The following RYR2 variants were observed in gnomAD, a reference collection of about 807,000 sequenced individuals.
RYR2 encodes cardiac muscle ryanodine receptor-calcium release channel.
RYR2 carries 227 observed loss-of-function variants against 601.1 expected under a neutral mutation model. That is an observed-to-expected ratio of 0.38 (90% confidence interval 0.34 to 0.42). The LOEUF (loss-of-function observed/expected upper bound fraction) is 0.42. Among genes scored for constraint, RYR2 ranks in the 10% least tolerant of loss-of-function variants. The pLI is 1.00. For synonymous variants in RYR2, 2,223 were observed against 2,175.1 expected (o/e 1.02, Z -0.61); for missense variants, 4,646 against 6,156.5 (o/e 0.75, Z 8.21).
intron 2 of RYR2, among the ~76,000 whole-genome samples, chr1:237,321,081 T>C (rs1412417685): frequency 6.6e-6 from 1 of 152,102 alleles, no homozygotes; most frequent in Non-Finnish European, 1.5e-5. Context: ...GTATGAGTTT[T>C]AGGCTAAGCA....
At chr1:237,346,578 T>G (rs2149646480) in intron 3 of RYR2, among the ~76,000 whole-genome samples, 1 of 152,266 alleles carries the variant, frequency 6.6e-6, no homozygotes, top group African/African-American at 2.4e-5. Context: ...GAGTTGTATG[T>G]GTGTTAGTGT....
rs747068202 is a variant in RYR2, at chr1:237,655,826, T to C, written c.7971T>C (p.Tyr2657=). The C allele has an allele frequency of 6.3e-7, 1 of 1,585,448 alleles. No homozygotes were observed. Among genetic ancestry groups the C allele is most frequent in the South Asian group, 1.2e-5 (1 of 84,938 alleles). Residue 2657 remains tyrosine (Y), a synonymous_variant, in exon 53 of 105, where the codon TAT becomes TAC. Transcript: ENST00000366574. ...TGGTCCTCCATTTTTCCCAGAAATA[T>C]GAACAAGAACTTTTCAAACTGGCAC... The part of the protein sequence containing the change: ...GIFDALSQKK[Y]EQELFKLALP...
intron 28 of RYR2, 120 bp downstream of exon 28, chr1:237,566,895 T>C (rs1429535170): frequency 2.9e-6 from 3 of 1,029,876 alleles, no homozygotes; most frequent in Admixed American, 2.0e-5. Flanking sequence ...GGAAAAATAT[T>C]TCACAGGAAA....
At chr1:237,052,781 TAC>T (rs994601328) in intron 1 of RYR2, among the ~76,000 whole-genome samples, 1 of 151,944 alleles carries the variant, frequency 6.6e-6, no homozygotes, top group Non-Finnish European at 1.5e-5. Context: ...AACAGAAACA[TAC>T]ACACACACGC....
chr1:237,740,246 TG>T (rs1691494649), intron 79 of RYR2, among the ~76,000 whole-genome samples: 1 of 152,228 alleles, frequency 6.6e-6, no homozygotes, highest in African/African-American at 2.4e-5. Context: ...ATACCTTTTT[TG>T]TTTGTGTGAT....
intron 17 of RYR2, among the ~76,000 whole-genome samples, chr1:237,476,570 T>C (rs6663913): frequency 0.52 from 74,117 of 142,418 alleles, 19,628 homozygotes; most frequent in East Asian, 0.72. Flanking sequence ...TCTCCAGATA[T>C]CAAAGCTTCA....
In RYR2 at chr1:237,488,214, C is replaced by CT. The variant is rs376380599; in HGVS notation, c.1709-3587dup. 8.5e-5 allele frequency among the ~76,000 whole-genome samples: 13 copies of CT among 152,230 alleles called. 1 individual carries two copies. Among genetic ancestry groups the CT allele is most frequent in the African/African-American group, 3.1e-4 (13 of 41,530 alleles). ...TATATTGTATTCCACGATTGGCAATCTTTTTCTGAAAAAGGCTAGTGTCTT... is the reference window on the plus strand; with the variant it reads ...TATATTGTATTCCACGATTGGCAATCTTTTTTCTGAAAAAGGCTAGTGTCTT... On this transcript the variant is annotated intron_variant, in intron 17 of 104. Transcript: ENST00000366574.
chr1:237,241,124 A>G (rs1686116189), intron 1 of RYR2, among the ~76,000 whole-genome samples: 1 of 152,214 alleles, frequency 6.6e-6, no homozygotes, highest in African/African-American at 2.4e-5. Context: ...TAATGAGGAG[A>G]GAAGAGAGAA....
chr1:237,558,124 T>C (rs1671088788), intron 27 of RYR2, among the ~76,000 whole-genome samples: 1 of 152,070 alleles, frequency 6.6e-6, no homozygotes, highest in Non-Finnish European at 1.5e-5. Context: ...ATTCAGAGCA[T>C]GGGTAAAGGG....
At chr1:237,354,681 A>C (rs1363495748) in intron 3 of RYR2, among the ~76,000 whole-genome samples, 2 of 152,066 alleles carry the variant, frequency 1.3e-5, no homozygotes, top group Non-Finnish European at 2.9e-5. Context: ...CGATAAGTTA[A>C]TGTTTAAAAG....
chr1:237,521,663 C>T (rs918066649), intron 24 of RYR2, among the ~76,000 whole-genome samples: 7 of 151,488 alleles, frequency 4.6e-5, no homozygotes, highest in African/African-American at 1.2e-4. Flanking sequence ...GAGGTTGCAG[C>T]GAGCCGAGAT....
At position 237,330,899 on chromosome 1, in the gene RYR2, A is replaced by G. The variant is rs1696642690; in HGVS notation, c.190A>G (p.Ile64Val). 1 of 1,613,916 alleles carries G rather than the reference A, an allele frequency of 6.2e-7. No individual in the cohort carries two copies. The highest frequency in any genetic ancestry group is 8.5e-7 in the Non-Finnish European group (1 of 1,179,852). The change falls in exon 3 of 105, where the codon ATC (isoleucine) becomes GTC (valine). Residue 64 changes from isoleucine to valine, a missense_variant. By Grantham distance (29) the Ile-to-Val change is conservative. This residue lies in a region of RYR2 where 153 missense variants were observed against 203.6 expected (regional missense o/e 0.75). Coordinates refer to ENST00000366574, the MANE Select transcript of RYR2 (RefSeq NM_001035.3). ...NSKNVPPDLS[I>V]CTFVLEQSLS... Reference sequence around the variant, plus strand: ...GCAGAATGTGCCCCCAGACCTCTCCATCTGCACCTTTGTGCTGGAGCAGTC... The same window carrying G: ...GCAGAATGTGCCCCCAGACCTCTCCGTCTGCACCTTTGTGCTGGAGCAGTC...
At chr1:237,700,005 G>T (rs1179273184) in intron 64 of RYR2, among the ~76,000 whole-genome samples, 2 of 152,160 alleles carry the variant, frequency 1.3e-5, no homozygotes, top group Non-Finnish European at 2.9e-5. Context: ...TTGCAGCAAG[G>T]TTTTAATAAG....
At chr1:237,053,362 C>T (rs770668162) in intron 1 of RYR2, among the ~76,000 whole-genome samples, 23 of 152,156 alleles carry the variant, frequency 1.5e-4, no homozygotes, top group Non-Finnish European at 2.2e-4. Context: ...GTCAGAGAAG[C>T]GTAAAAACTT....
intron 1 of RYR2, among the ~76,000 whole-genome samples, chr1:237,169,076 G>A (rs974622169): frequency 1.3e-5 from 2 of 152,052 alleles, no homozygotes; most frequent in Non-Finnish European, 2.9e-5. Flanking sequence ...GGTATGTCAT[G>A]GTTATTTCAC....
At chr1:237,149,338 CA>C (rs921994023) in intron 1 of RYR2, among the ~76,000 whole-genome samples, 42 of 152,084 alleles carry the variant, frequency 2.8e-4, no homozygotes, top group African/African-American at 9.6e-4. Flanking sequence ...AAACCAAAAA[CA>C]AACAAAAAAC....
chr1:237,155,182 T>TC (rs1340893716), intron 1 of RYR2, among the ~76,000 whole-genome samples: 2 of 146,382 alleles, frequency 1.4e-5, no homozygotes, highest in East Asian at 2.0e-4. Flanking sequence ...TTCTTTTCTT[T>TC]TTTTTTTTTT....
chr1:237,226,260 G>A (rs1036960328), intron 1 of RYR2, among the ~76,000 whole-genome samples: 8 of 152,120 alleles, frequency 5.3e-5, no homozygotes, highest in East Asian at 3.9e-4. Context: ...AAATTGCTGC[G>A]TATTTCGCCT....
At chr1:237,326,951 A>G (rs924415698) in intron 2 of RYR2, among the ~76,000 whole-genome samples, 2 of 152,218 alleles carry the variant, frequency 1.3e-5, no homozygotes, top group Non-Finnish European at 2.9e-5. Context: ...CTGACATGCT[A>G]CCATGGGTAT....
Sources: allele counts gnomAD v4.1 joint callset (sites outside exome capture counted in the v4.1 genomes callset), GRCh38; gene constraint gnomAD v4.1.1; regional missense constraint gnomAD v4.1.1; transcripts MANE v1.5; gene names NCBI Gene and HGNC (gene_info 2026-07-23, HGNC 2026-07-21).